The following MAPK8IP3 variants were observed in gnomAD, a reference collection of about 807,000 sequenced individuals.
MAPK8IP3 encodes C-Jun-amino-terminal kinase-interacting protein 3.
Under a neutral mutation model 157.8 loss-of-function variants are expected in MAPK8IP3, and 49 were observed. The ratio of observed to expected loss-of-function variants is 0.31; its 90% CI spans 0.25 to 0.39. The LOEUF is 0.39. Among genes scored for constraint, MAPK8IP3 ranks in the 10% least tolerant of loss-of-function variants. The pLI is 1.00. For missense variants in MAPK8IP3, 1,478 were observed against 1,889.4 expected (o/e 0.78, Z 4.04); for synonymous variants, 897 against 777.7 (o/e 1.15, Z -2.55).
In MAPK8IP3 at chr16:1,766,832, G is replaced by GC. The variant is rs760979341; in HGVS notation, c.3020+29_3020+30insC. 3.1e-6 allele frequency: 5 copies of GC among 1,612,398 alleles called. No homozygotes were observed. In the Admixed American group the frequency reaches 8.3e-5, roughly 27 times the overall value. ...GGTGACCCCAGACCGAGGGCCGGGC[G>GC]GCGCGGGGGAACGGGGCGGAGGGGG... On this transcript the variant is annotated intron_variant, in intron 24 of 31. Coordinates refer to ENST00000610761, the MANE Select transcript of MAPK8IP3 (RefSeq NM_001318852.2).
chr16:1,761,211 C>G lies in MAPK8IP3; in HGVS notation c.1458-13C>G. 1.2e-6 allele frequency: 2 copies of G among 1,612,296 alleles called. No homozygotes were observed. The highest frequency in any genetic ancestry group is 1.7e-6 in the Non-Finnish European group (2 of 1,178,886). ...AGGCCCTCACCCTCCCTGCCTCCTT[C>G]CCCTTCCCACAGAGTGAAGTCCGAG... On this transcript the variant is annotated splice_polypyrimidine_tract_variant and intron_variant, in intron 12 of 31. Transcript: ENST00000610761.
intron 4 of MAPK8IP3, among the ~76,000 whole-genome samples, chr16:1,735,496 TCCGTGTGACCATCCGTGTGAGCAG>T (rs1195085466): frequency 7.5e-6 from 1 of 132,710 alleles, no homozygotes; most frequent in South Asian, 2.6e-4. Flanking sequence ...CATGTGAGCG[TCCGTGTGACCATCCGTGTGAGCAG>T]CCGTGTGACC....
chr16:1,756,663 C>T (rs1440813843), intron 8 of MAPK8IP3, among the ~76,000 whole-genome samples: 3 of 137,768 alleles, frequency 2.2e-5, no homozygotes, highest in Admixed American at 2.1e-4. Context: ...CACACACACA[C>T]ACACACAAAT....
Position 1,767,995 on chromosome 16 carries a change from C to T in MAPK8IP3, c.3524-74C>T, listed in dbSNP as rs1025203378. 1.7e-5 allele frequency: 27 copies of T among 1,608,700 alleles called. 1 individual carries two copies. The Admixed American group carries it at 4.0e-4, about 24-fold the overall frequency. On this transcript the variant is annotated intron_variant, in intron 28 of 31. Coordinates refer to ENST00000610761, the MANE Select transcript of MAPK8IP3 (RefSeq NM_001318852.2). ...GGGTTCACGGGGTGGCTCTGCAGGG[C>T]CACCTTGGAGGGTGCCTTGCTGCCC...
intron 26 of MAPK8IP3, 92 bp downstream of exon 26, chr16:1,767,389 A>T (rs2042335028): frequency 6.4e-7 from 1 of 1,557,704 alleles, no homozygotes; most frequent in African/African-American, 1.4e-5. Flanking sequence ...ACGAGGCCCT[A>T]CGTGGGTCCC....
chr16:1,742,806 C>G lies in MAPK8IP3; in HGVS notation c.603-526C>G, dbSNP rs2040756494. Among the ~76,000 whole-genome samples, 1 of 152,140 alleles carries G rather than the reference C, an allele frequency of 6.6e-6. No individual in the cohort carries two copies. Among genetic ancestry groups the G allele is most frequent in the Admixed American group, 6.5e-5 (1 of 15,280 alleles). ...TGGCTCTGCTGTGGGGTGTCTAAAGCACACCCGGCTTGTGTCTGTTTAAAA... is the reference window on the plus strand; with the variant it reads ...TGGCTCTGCTGTGGGGTGTCTAAAGGACACCCGGCTTGTGTCTGTTTAAAA... On this transcript the variant is annotated intron_variant, in intron 4 of 31. Transcript: ENST00000610761. This position sits in a 1 kb window ranked among gnomAD's most constrained non-coding sequence, Gnocchi z 5.0.
intron 26 of MAPK8IP3, 70 bp downstream of exon 26, chr16:1,767,367 A>G: frequency 6.3e-7 from 1 of 1,594,974 alleles, no homozygotes; most frequent in Non-Finnish European, 8.6e-7. Flanking sequence ...CGCATCTTCC[A>G]TACGGAAGTC....
chr16:1,769,487 C>T lies in MAPK8IP3; in HGVS notation c.*663C>T, dbSNP rs567432855. On this transcript the variant is annotated 3_prime_UTR_variant, in exon 32 of 32. Transcript: ENST00000610761. ...TGGGGCAGCTGCTTGAGAACAGAGA[C>T]TGCTACCCCATCCTGCCCATGCAGG... 6.5e-6 allele frequency: 1 copy of T among 153,518 alleles called. No individual in the cohort carries two copies. The highest frequency in any genetic ancestry group is 6.5e-5 in the Admixed American group (1 of 15,440). The allele number at this position is 153,518 out of a possible 1,614,324, so 9.5% of individuals were successfully genotyped here. A position where few individuals can be genotyped will look rare whatever the true frequency, so the allele number is the denominator to read the frequency against.
In MAPK8IP3 at chr16:1,751,093, C is replaced by T. The variant is rs1377549772; in HGVS notation, c.1216+2373C>T. ...TCATTTCCGTGGGTGGCAGCACTGA[C>T]GGGCACGGCCACCGTCGGTCCTTAC... On this transcript the variant is annotated intron_variant, in intron 8 of 31. Coordinates refer to ENST00000610761, the MANE Select transcript of MAPK8IP3 (RefSeq NM_001318852.2). This position sits in a 1 kb window ranked among gnomAD's most constrained non-coding sequence, Gnocchi z 5.0. Among the ~76,000 whole-genome samples the T allele has an allele frequency of 3.3e-5, 5 of 152,184 alleles. No homozygotes were observed. Among genetic ancestry groups the T allele is most frequent in the East Asian group, 3.9e-4 (2 of 5,184 alleles).
intron 1 of MAPK8IP3, among the ~76,000 whole-genome samples, chr16:1,721,830 C>T (rs890740200): frequency 3.9e-5 from 6 of 152,118 alleles, no homozygotes; most frequent in African/African-American, 7.2e-5. Flanking sequence ...AGTGCAGTGG[C>T]GTGATCTCAG....
At position 1,767,205 on chromosome 16, in the gene MAPK8IP3, T is replaced by C. The variant is rs767050488; in HGVS notation, c.3145T>C (p.Ser1049Pro). 1 of 1,613,352 alleles carries C rather than the reference T, an allele frequency of 6.2e-7. No individual in the cohort carries two copies. The highest frequency in any genetic ancestry group is 8.5e-7 in the Non-Finnish European group (1 of 1,180,014). ...HLMDLGHPHH[S>P]IRCMAVVYDR... ...AATGGACCTGGGCCACCCGCACCACTCCATCCGCTGCATGGCTGTTGTGTA... is the reference window on the plus strand; with the variant it reads ...AATGGACCTGGGCCACCCGCACCACCCCATCCGCTGCATGGCTGTTGTGTA... The change falls in exon 26 of 32, where the codon TCC becomes CCC. Residue 1049 changes from serine to proline, a missense_variant. Physicochemically the swap from Ser to Pro is moderately conservative, Grantham distance 74. This residue lies in a region of MAPK8IP3 where 669 missense variants were observed against 759.8 expected (regional missense o/e 0.88). Transcript: ENST00000610761.
intron 6 of MAPK8IP3, among the ~76,000 whole-genome samples, chr16:1,747,637 G>A (rs894269968): frequency 2.0e-5 from 3 of 152,334 alleles, no homozygotes; most frequent in East Asian, 1.9e-4. Flanking sequence ...ATGCTAGGGG[G>A]TATCTATTAA....
At position 1,748,681 on chromosome 16, in the gene MAPK8IP3, G is replaced by T; in HGVS notation, c.1177G>T (p.Glu393Ter). 1 of 1,614,216 alleles carries T rather than the reference G, an allele frequency of 6.2e-7. No individual in the cohort carries two copies. The change falls in exon 8 of 32, where the codon GAG becomes TAG. Residue 393 changes from glutamate (E) to a stop codon, truncating the protein, a stop_gained. Coordinates refer to ENST00000610761, the MANE Select transcript of MAPK8IP3 (RefSeq NM_001318852.2). LOFTEE classifies it high-confidence loss of function. ...LYHELSTAGS[E>*]VIGDVDEGAD... ...CCATGAGCTGTCGACGGCAGGGTCT[G>T]AGGTCATCGGGGATGTGGACGAAGG...
intron 20 of MAPK8IP3, 83 bp from the exon 21 acceptor site, chr16:1,765,877 C>A (rs1398135055): frequency 2.3e-6 from 3 of 1,316,464 alleles, no homozygotes; most frequent in Non-Finnish European, 3.1e-6. Context: ...GCCCCGGCTT[C>A]CTCTGCCCCT....
At chr16:1,764,972 T>A in intron 19 of MAPK8IP3, 41 bp from the exon 20 acceptor site, 1 of 1,575,482 alleles carries the variant, frequency 6.3e-7, no homozygotes. Context: ...CCGGGTAGCC[T>A]CAAGCTCGGG....
In MAPK8IP3 at chr16:1,758,143, G is replaced by C; in HGVS notation, c.1217-5G>C. 1 of 1,613,436 alleles carries C rather than the reference G, an allele frequency of 6.2e-7. No homozygotes were observed. Among genetic ancestry groups the C allele is most frequent in the Non-Finnish European group, 8.5e-7 (1 of 1,179,728 alleles). On this transcript the variant is annotated splice_polypyrimidine_tract_variant and splice_region_variant and intron_variant, in intron 8 of 31. Coordinates refer to ENST00000610761, the MANE Select transcript of MAPK8IP3 (RefSeq NM_001318852.2). ...TGCCTCTCTGTGCGTCGCTGGACTC[G>C]CCAGGGGAGTTCTCAGGTGAGTATC... is the stretch of plus-strand genomic sequence containing the variant.
intron 2 of MAPK8IP3, among the ~76,000 whole-genome samples, chr16:1,728,803 C>T (rs1179548641): frequency 6.9e-6 from 1 of 145,546 alleles, no homozygotes; most frequent in African/African-American, 2.7e-5. Context: ...GCGCACACAG[C>T]AGCCCCCCAG....
chr16:1,761,804 C>T (rs556266845), intron 13 of MAPK8IP3, among the ~76,000 whole-genome samples: 18 of 148,638 alleles, frequency 1.2e-4, no homozygotes, highest in Admixed American at 1.1e-3. Context: ...CACATTCACA[C>T]GCTGGGCGGC....
At chr16:1,746,298 C>T (rs2040957543) in intron 5 of MAPK8IP3, 1 of 152,228 alleles carries the variant, frequency 6.6e-6, no homozygotes. Flanking sequence ...GTTTCGCATT[C>T]CGCATTAGTC....
Sources: allele counts gnomAD v4.1 joint callset (sites outside exome capture counted in the v4.1 genomes callset), GRCh38; gene constraint gnomAD v4.1.1; regional missense constraint gnomAD v4.1.1; non-coding constraint Gnocchi (gnomAD v3.1); transcripts MANE v1.5; gene names NCBI Gene and HGNC (gene_info 2026-07-23, HGNC 2026-07-21).